CAMSAP2: variants seen among roughly 807,000 people sequenced by gnomAD.
CAMSAP2 encodes the protein calmodulin regulated spectrin associated protein family member 2, also known as calmodulin-regulated spectrin-associated protein 2.
A neutral mutation model predicts 146.1 loss-of-function variants in CAMSAP2; 26 were observed. The ratio of observed to expected loss-of-function variants is 0.18; its 90% confidence interval spans 0.13 to 0.25. The LOEUF (loss-of-function observed/expected upper bound fraction) is 0.25. CAMSAP2 is among the 10% of genes least tolerant of loss of function. The pLI is 1.00. For synonymous variants in CAMSAP2, 499 were observed against 596.6 expected (o/e 0.84, Z 2.38); for missense variants, 1,381 against 1,759.3 (o/e 0.78, Z 3.85).
chr1:200,859,772 T>G lies in CAMSAP2; in HGVS notation c.*1713T>G, dbSNP rs1377457180. ...AAAATGGGGAATTGCACATTTTACC[T>G]TTTGGACAGTAATTTCTATCACAGT... On this transcript the variant is annotated 3_prime_UTR_variant, in exon 17 of 17. Transcript: ENST00000358823. The G allele has an allele frequency of 1.3e-5, 2 of 152,252 alleles. No homozygotes were observed. Among genetic ancestry groups the G allele is most frequent in the African/African-American group, 2.4e-5 (1 of 41,460 alleles). The allele number at this position is 152,252 out of a possible 1,614,324, so 9.4% of individuals were successfully genotyped here. A position where few individuals can be genotyped will look rare whatever the true frequency, so the allele number is the denominator to read the frequency against.
intron 4 of CAMSAP2, among the ~76,000 whole-genome samples, chr1:200,816,402 G>A (rs1368095136): frequency 6.6e-6 from 1 of 151,582 alleles, no homozygotes; most frequent in Admixed American, 6.6e-5. Context: ...AGACCAGCCT[G>A]CCCAACATAG....
chr1:200,823,465 A>G (rs1190253441), intron 4 of CAMSAP2, among the ~76,000 whole-genome samples: 1 of 152,150 alleles, frequency 6.6e-6, no homozygotes, highest in Admixed American at 6.5e-5. Flanking sequence ...CTTTATTTAG[A>G]TTCTACTGGT....
At chr1:200,786,202 A>G (rs1665584873) in intron 2 of CAMSAP2, among the ~76,000 whole-genome samples, 1 of 151,986 alleles carries the variant, frequency 6.6e-6, no homozygotes, top group Non-Finnish European at 1.5e-5. Context: ...TCTTTGTTTC[A>G]GTTTTTTAAA....
intron 4 of CAMSAP2, among the ~76,000 whole-genome samples, chr1:200,817,096 A>G (rs1470285569): frequency 6.9e-6 from 1 of 145,344 alleles, no homozygotes; most frequent in Non-Finnish European, 1.5e-5. Flanking sequence ...ACACGTATAT[A>G]TGTATACACA....
rs142468004 is a variant in CAMSAP2, at chr1:200,746,687, C to T, written c.139+6721C>T. Among the ~76,000 whole-genome samples, 843 of 150,238 alleles carry T rather than the reference C, an allele frequency of 5.6e-3. 11 individuals carry two copies. Among genetic ancestry groups the T allele is most frequent in the African/African-American group, 0.02 (808 of 40,750 alleles). On this transcript the variant is annotated intron_variant, in intron 1 of 16. Transcript: ENST00000358823. ...AGGCTGGAGTGCAGTGGCGTGATCT[C>T]GGCTCACTGCAAGCTCCGCCTCCCG...
At chr1:200,749,728 AGAATT>A (rs1284933639) in intron 1 of CAMSAP2, among the ~76,000 whole-genome samples, 6 of 152,204 alleles carry the variant, frequency 3.9e-5, no homozygotes, top group East Asian at 1.9e-4. Context: ...TATTTATAAT[AGAATT>A]GAATAGTCTC....
chr1:200,777,568 CT>C (rs1365650274), intron 2 of CAMSAP2, among the ~76,000 whole-genome samples: 1 of 152,030 alleles, frequency 6.6e-6, no homozygotes, highest in African/African-American at 2.4e-5. Flanking sequence ...CTTTTTCTAA[CT>C]TCTAGGAGTC....
rs151323840 is a variant in CAMSAP2 at position 200,829,185 on chromosome 1, T to C, written c.646-3015T>C. Among the ~76,000 whole-genome samples, 1,130 of 152,178 alleles carry C rather than the reference T, an allele frequency of 7.4e-3. 12 individuals are homozygous for C. The highest frequency in any genetic ancestry group is 0.044 in the Middle Eastern group (13 of 294). ...AAAAACAAAAACAAAAATCTTACTATGTAGCTTCTCATTAATTTAAATAAT... is the reference window on the plus strand; with the variant it reads ...AAAAACAAAAACAAAAATCTTACTACGTAGCTTCTCATTAATTTAAATAAT... On this transcript the variant is annotated intron_variant, in intron 4 of 16. Coordinates refer to ENST00000358823, the MANE Select transcript of CAMSAP2 (RefSeq NM_203459.4).
chr1:200,856,168 C>A lies in CAMSAP2; in HGVS notation c.4012+43C>A, dbSNP rs752009940. 41 of 1,425,562 alleles carry A rather than the reference C, an allele frequency of 2.9e-5. 2 individuals are homozygous for A. In the South Asian group the frequency reaches 4.9e-4, roughly 17 times the overall value. 88.3% of individuals were successfully genotyped at this position (1,425,562 alleles called of 1,614,324 possible). A position where few individuals can be genotyped will look rare whatever the true frequency, so the allele number is the denominator to read the frequency against. On this transcript the variant is annotated intron_variant, in intron 15 of 16. Coordinates refer to ENST00000358823, the MANE Select transcript of CAMSAP2 (RefSeq NM_203459.4). The stretch of plus-strand genomic sequence containing the variant: ...TTTAGAGAAACATTTGAATTTAACA[C>A]ACTCATAAATGGAGGGTGTACTAAA...
chr1:200,755,542 A>T (rs938299516), intron 1 of CAMSAP2, among the ~76,000 whole-genome samples: 2 of 152,200 alleles, frequency 1.3e-5, no homozygotes, highest in African/African-American at 4.8e-5. Context: ...CTTATAGGGT[A>T]ATGGGAGGAG....
At chr1:200,828,555 C>G in intron 4 of CAMSAP2, 1 of 1,549,034 alleles carries the variant, frequency 6.5e-7, no homozygotes, top group Non-Finnish European at 8.7e-7. Flanking sequence ...CCCTTTTTTC[C>G]CGCTGCTTCC....
chr1:200,743,211 C>T (rs1245893551), intron 1 of CAMSAP2, among the ~76,000 whole-genome samples: 2 of 152,168 alleles, frequency 1.3e-5, no homozygotes, highest in African/African-American at 4.8e-5. Flanking sequence ...ATGGTAGATG[C>T]AAAACCTCTT....
intron 4 of CAMSAP2, among the ~76,000 whole-genome samples, chr1:200,816,805 T>TGTATATATGTGTGTACACACACACGC (rs1666529909): frequency 1.3e-5 from 1 of 76,686 alleles, no homozygotes. Flanking sequence ...CACACACGCG[T>TGTATATATGTGTGTACACACACACGC]GTATATATGT....
Position 200,853,134 on chromosome 1 carries a change from G to C in CAMSAP2, c.3603-141G>C. The stretch of plus-strand genomic sequence containing the variant: ...CTTAATCCCATGTCTCAGCAGAATC[G>C]TCAAGTACCTTTTAAATGAACCATT... On this transcript the variant is annotated intron_variant, in intron 12 of 16. Transcript: ENST00000358823. This position sits in a 1 kb window ranked among gnomAD's most constrained non-coding sequence, Gnocchi z 5.1. The C allele has an allele frequency of 1.4e-6, 1 of 708,444 alleles. No homozygotes were observed. The highest frequency in any genetic ancestry group is 2.0e-5 in the South Asian group (1 of 50,372). The allele number at this position is 708,444 out of a possible 1,614,324, so 43.9% of individuals were successfully genotyped here. A position where few individuals can be genotyped will look rare whatever the true frequency, so the allele number is the denominator to read the frequency against.
intron 14 of CAMSAP2, among the ~76,000 whole-genome samples, chr1:200,855,566 A>G (rs1201127988): frequency 1.3e-5 from 2 of 152,034 alleles, no homozygotes; most frequent in Non-Finnish European, 2.9e-5. Flanking sequence ...GTAGCTGCGA[A>G]TAAGACAAAC....
chr1:200,832,470 A>C lies in CAMSAP2; in HGVS notation c.787+129A>C, dbSNP rs1408622633. Reference sequence around the variant, plus strand: ...TCTCAAAAAAAAGACAATATTATTTAATAAGTACTGAAGACTTTTTTTTAA... The same window carrying C: ...TCTCAAAAAAAAGACAATATTATTTCATAAGTACTGAAGACTTTTTTTTAA... On this transcript the variant is annotated intron_variant, in intron 5 of 16. Transcript: ENST00000358823. The surrounding 1 kb of genome is among the most constrained non-coding windows in gnomAD (Gnocchi z 4.2). 1.2e-5 allele frequency: 11 copies of C among 927,084 alleles called. No homozygotes were observed. In the Admixed American group the frequency reaches 3.2e-4, roughly 27 times the overall value. 57.4% of individuals were successfully genotyped at this position (927,084 alleles called of 1,614,324 possible).
At chr1:200,806,212 G>A (rs892095857) in intron 2 of CAMSAP2, among the ~76,000 whole-genome samples, 1 of 152,184 alleles carries the variant, frequency 6.6e-6, no homozygotes, top group Non-Finnish European at 1.5e-5. Context: ...AGGTTAAAAA[G>A]TACTTAATAT....
chr1:200,804,425 A>C (rs1047949744), intron 2 of CAMSAP2, among the ~76,000 whole-genome samples: 2 of 152,068 alleles, frequency 1.3e-5, no homozygotes, highest in African/African-American at 4.8e-5. Flanking sequence ...CTGTTGTATA[A>C]TATTATAATG....
chr1:200,745,997 G>A (rs1558157513), intron 1 of CAMSAP2, among the ~76,000 whole-genome samples: 1 of 152,154 alleles, frequency 6.6e-6, no homozygotes, highest in Non-Finnish European at 1.5e-5. Context: ...AAAACTCAAA[G>A]GTATAAAAGA....
Sources: allele counts gnomAD v4.1 joint callset (sites outside exome capture counted in the v4.1 genomes callset), GRCh38; gene constraint gnomAD v4.1.1; non-coding constraint Gnocchi (gnomAD v3.1); transcripts MANE v1.5; gene names NCBI Gene and HGNC (gene_info 2026-07-23, HGNC 2026-07-21).